ABCC1: variants seen among roughly 807,000 people sequenced by gnomAD.
ABCC1 encodes ATP binding cassette subfamily C member 1 (ABCC1 blood group), also known as multidrug resistance-associated protein 1.
Under a neutral mutation model 172.9 loss-of-function variants are expected in ABCC1, and 83 were observed. That is an observed-to-expected ratio of 0.48 (90% CI 0.40 to 0.58). The LOEUF (loss-of-function observed/expected upper bound fraction) is 0.58. ABCC1 is among the 20% of genes least tolerant of loss of function. The probability of loss-of-function intolerance (pLI) is 0.00; values close to 1 mark genes in which losing one functional copy is unlikely to be tolerated. For synonymous variants in ABCC1, 937 were observed against 825.2 expected (o/e 1.14, Z -2.32); for missense variants, 1,817 against 2,002.7 (o/e 0.91, Z 1.77).
chr16:16,058,202 G>T (rs2049753118), intron 12 of ABCC1, among the ~76,000 whole-genome samples: 2 of 152,194 alleles, frequency 1.3e-5, no homozygotes, highest in South Asian at 4.1e-4. Context: ...ACCATACAGA[G>T]ATGGACTTTG....
chr16:15,965,329 T>A (rs1024372082), intron 1 of ABCC1, among the ~76,000 whole-genome samples: 3 of 152,044 alleles, frequency 2.0e-5, no homozygotes, highest in Non-Finnish European at 4.4e-5. Context: ...TCTTGTTCTG[T>A]CGCCCAGGCT....
intron 12 of ABCC1, among the ~76,000 whole-genome samples, chr16:16,062,295 C>A (rs2049950999): frequency 6.6e-6 from 1 of 152,188 alleles, no homozygotes; most frequent in African/African-American, 2.4e-5. Flanking sequence ...ATTAGGAAAC[C>A]ACAGCAGAAG....
rs2046137446 is a variant in ABCC1 at position 15,961,713 on chromosome 16, T to C, written c.48+11914T>C. Among the ~76,000 whole-genome samples the C allele has an allele frequency of 2.0e-5, 3 of 152,320 alleles. No individual in the cohort carries two copies. In the South Asian group the frequency reaches 6.2e-4, roughly 32 times the overall value. Reference sequence around the variant, plus strand: ...TCTTGTTCTCTTCACTTAACCAGTGTTGATTTTCTTGCCATTTTAAGCCCA... The same window carrying C: ...TCTTGTTCTCTTCACTTAACCAGTGCTGATTTTCTTGCCATTTTAAGCCCA... On this transcript the variant is annotated intron_variant, in intron 1 of 30. Transcript: ENST00000399410.
At chr16:16,053,646 A>G (rs12447187) in intron 11 of ABCC1, among the ~76,000 whole-genome samples, 43,268 of 151,282 alleles carry the variant, frequency 0.29, 6,432 homozygotes, top group African/African-American at 0.36. Context: ...AGTTAGCTGC[A>G]TGTGGTGATG....
chr16:15,963,586 C>G (rs2046182993), intron 1 of ABCC1, among the ~76,000 whole-genome samples: 1 of 152,200 alleles, frequency 6.6e-6, no homozygotes, highest in Admixed American at 6.5e-5. Flanking sequence ...TTCTTTAGTT[C>G]TATGTACCCA....
At chr16:15,996,963 C>T (rs141405324) in intron 1 of ABCC1, among the ~76,000 whole-genome samples, 5 of 152,228 alleles carry the variant, frequency 3.3e-5, no homozygotes, top group Admixed American at 6.5e-5. Flanking sequence ...CGGACTTGGA[C>T]GGGGTCCCCA....
At chr16:16,050,734 A>C (rs2049393625) in intron 10 of ABCC1, among the ~76,000 whole-genome samples, 1 of 146,224 alleles carries the variant, frequency 6.8e-6, no homozygotes, top group Non-Finnish European at 1.5e-5. Context: ...CTCTACAAAA[A>C]AAAAAAAAAA....
At chr16:16,125,951 G>C in intron 26 of ABCC1, 40 bp downstream of exon 26, 1 of 1,517,408 alleles carries the variant, frequency 6.6e-7, no homozygotes, top group Non-Finnish European at 9.1e-7. Flanking sequence ...GGTCTTTGGT[G>C]TAGCTTTACC....
intron 10 of ABCC1, 21 bp downstream of exon 10, chr16:16,048,324 C>A: frequency 6.2e-7 from 1 of 1,612,710 alleles, no homozygotes; most frequent in East Asian, 2.2e-5. Context: ...AACGCCGTTT[C>A]CCTTTGCATG....
chr16:16,046,067 A>AG lies in ABCC1; in HGVS notation c.1218+55dup, dbSNP rs1288658111. ...GCCCGACTTCCACATCCCCTCCTGC[A>AG]GCCCTGGGTTACTCTGGGGCCAGCG... On this transcript the variant is annotated intron_variant, in intron 9 of 30. Coordinates refer to ENST00000399410, the MANE Select transcript of ABCC1 (RefSeq NM_004996.4). The AG allele has an allele frequency of 2.5e-6, 4 of 1,584,516 alleles. No individual in the cohort carries two copies. In the East Asian group the frequency reaches 9.1e-5, roughly 36 times the overall value.
intron 13 of ABCC1, among the ~76,000 whole-genome samples, chr16:16,069,719 A>C (rs2151953801): frequency 6.6e-6 from 1 of 152,164 alleles, no homozygotes; most frequent in South Asian, 2.1e-4. Context: ...CTGGCATTAA[A>C]AGAAAAAGAA....
chr16:16,138,131 G>T (rs1390584851), intron 29 of ABCC1, among the ~76,000 whole-genome samples: 1 of 152,058 alleles, frequency 6.6e-6, no homozygotes, highest in Non-Finnish European at 1.5e-5. Context: ...TGCTCAGATT[G>T]TAGGTGTGAG....
At chr16:15,991,354 T>C (rs1463704241) in intron 1 of ABCC1, among the ~76,000 whole-genome samples, 2 of 152,076 alleles carry the variant, frequency 1.3e-5, no homozygotes, top group Non-Finnish European at 2.9e-5. Flanking sequence ...TTTTCTTAAT[T>C]TTCCGTTGGC....
rs954453012 is a variant in ABCC1 at position 16,056,744 on chromosome 16, A to G, written c.1677+449A>G. ...GGTTTAAACATTTGCCATCTTCTCC[A>G]TTCTCCTTTGTTTTATTCACACTTA... On this transcript the variant is annotated intron_variant, in intron 12 of 30. Coordinates refer to ENST00000399410, the MANE Select transcript of ABCC1 (RefSeq NM_004996.4). Among the ~76,000 whole-genome samples, 8 of 152,172 alleles carry G rather than the reference A, an allele frequency of 5.3e-5. No homozygotes were observed. In the East Asian group the frequency reaches 1.5e-3, roughly 29 times the overall value.
intron 1 of ABCC1, among the ~76,000 whole-genome samples, chr16:15,954,960 G>T (rs1301492730): frequency 6.6e-6 from 1 of 152,098 alleles, no homozygotes; most frequent in African/African-American, 2.4e-5. Context: ...TATCACATCT[G>T]TCAGCAAATC....
rs2048116635 is a variant in ABCC1 at position 16,019,340 on chromosome 16, G to A, written c.615+2719G>A. 1.3e-5 allele frequency among the ~76,000 whole-genome samples: 2 copies of A among 152,080 alleles called. 1 individual carries two copies. Among genetic ancestry groups the A allele is most frequent in the South Asian group, 4.1e-4 (2 of 4,834 alleles). On this transcript the variant is annotated intron_variant, in intron 5 of 30. Coordinates refer to ENST00000399410, the MANE Select transcript of ABCC1 (RefSeq NM_004996.4). ...GCTGGTCTCGAACTCCTGACCTCAA[G>A]TGATCCACCCGCCTCGGCCTCCCAA...
chr16:16,079,302 C>T (rs769249600), intron 15 of ABCC1, 50 bp from the exon 16 acceptor site: 50 of 1,603,402 alleles, frequency 3.1e-5, no homozygotes, highest in Admixed American at 1.9e-4. Context: ...GGCATTAGCC[C>T]GGCAGGCCTC....
chr16:16,004,528 ACTT>A (rs962796410), intron 1 of ABCC1, among the ~76,000 whole-genome samples: 23 of 152,226 alleles, frequency 1.5e-4, no homozygotes, highest in African/African-American at 5.1e-4. Context: ...TCCACGATCA[ACTT>A]CTTCTTTACA....
intron 1 of ABCC1, among the ~76,000 whole-genome samples, chr16:15,967,927 G>A (rs1018837962): frequency 1.3e-5 from 2 of 152,116 alleles, no homozygotes; most frequent in Admixed American, 6.6e-5. Flanking sequence ...TTAAAGGGAC[G>A]TCTTTTCTCC....
Sources: gnomAD v4.1 joint callset for allele counts (sites outside exome capture counted in the v4.1 genomes callset) on GRCh38, gnomAD v4.1.1 for gene constraint, MANE v1.5 for transcripts, NCBI Gene and HGNC (gene_info 2026-07-23, HGNC 2026-07-21) for gene names.